NKAIN2: variants seen among roughly 807,000 people sequenced by gnomAD.
The protein encoded by NKAIN2 is sodium/potassium-transporting ATPase subunit beta-1-interacting protein 2.
NKAIN2 carries 14 observed loss-of-function variants against 32.6 expected under a neutral mutation model. The ratio of observed to expected loss-of-function variants is 0.43; its 90% CI spans 0.28 to 0.67. NKAIN2 has a LOEUF of 0.67. Among genes scored for constraint, NKAIN2 ranks in the 30% least tolerant of loss-of-function variants. NKAIN2 has a pLI of 0.17. For synonymous variants in NKAIN2, 80 were observed against 87.2 expected (o/e 0.92, Z 0.46); for missense variants, 198 against 258.3 (o/e 0.77, Z 1.60).
At chr6:124,257,129 C>A (rs1396993674) in intron 1 of NKAIN2, among the ~76,000 whole-genome samples, 1 of 151,728 alleles carries the variant, frequency 6.6e-6, no homozygotes, top group Non-Finnish European at 1.5e-5. Flanking sequence ...TACAAAAAAA[C>A]CATTCCATTG....
intron 1 of NKAIN2, among the ~76,000 whole-genome samples, chr6:124,165,749 G>A (rs1416772220): frequency 2.7e-5 from 4 of 148,842 alleles, no homozygotes; most frequent in Non-Finnish European, 5.9e-5. Flanking sequence ...TCCCACCTAT[G>A]AGTGAGAACA....
chr6:124,678,000 A>G (rs1773443414), intron 4 of NKAIN2, among the ~76,000 whole-genome samples: 1 of 151,668 alleles, frequency 6.6e-6, no homozygotes, highest in Non-Finnish European at 1.5e-5. Flanking sequence ...TTTTGCTGGT[A>G]GTGTTTTTTT....
intron 1 of NKAIN2, among the ~76,000 whole-genome samples, chr6:124,268,147 C>T (rs1794588067): frequency 6.6e-6 from 1 of 152,066 alleles, no homozygotes; most frequent in Non-Finnish European, 1.5e-5. Flanking sequence ...ATCGTGTAAA[C>T]ATACAATTCT....
chr6:124,687,135 A>AATATAT (rs142235428), intron 4 of NKAIN2, among the ~76,000 whole-genome samples: 2,521 of 147,438 alleles, frequency 0.017, 41 homozygotes, highest in Non-Finnish European at 0.026. Flanking sequence ...AGCTCCCTTA[A>AATATAT]ATATATATAT....
intron 1 of NKAIN2, among the ~76,000 whole-genome samples, chr6:123,995,770 G>A (rs1360272612): frequency 6.6e-6 from 1 of 152,132 alleles, no homozygotes; most frequent in Non-Finnish European, 1.5e-5. Flanking sequence ...TTGGCTAGAT[G>A]CTGTAATAGT....
chr6:123,929,095 A>G (rs1268671455), intron 1 of NKAIN2, among the ~76,000 whole-genome samples: 1 of 152,176 alleles, frequency 6.6e-6, no homozygotes, highest in Admixed American at 6.5e-5. Context: ...AAAGGGTAGT[A>G]ACCAGGAAGG....
intron 4 of NKAIN2, among the ~76,000 whole-genome samples, chr6:124,669,409 G>C (rs114619867): frequency 1.3e-3 from 205 of 152,154 alleles, no homozygotes; most frequent in African/African-American, 4.6e-3. Flanking sequence ...GTTCAGTAGG[G>C]TAGCTGCTCT....
chr6:124,258,245 C>A (rs1002188212), intron 1 of NKAIN2, among the ~76,000 whole-genome samples: 1 of 151,814 alleles, frequency 6.6e-6, no homozygotes, highest in South Asian at 2.1e-4. Context: ...CAGCATGGTT[C>A]CAAAGCCTGC....
intron 4 of NKAIN2, among the ~76,000 whole-genome samples, chr6:124,675,219 G>A (rs896711563): frequency 1.3e-5 from 2 of 151,974 alleles, no homozygotes; most frequent in African/African-American, 4.8e-5. Context: ...AATTCTACTT[G>A]ATTATAGCCT....
At chr6:123,995,398 A>T (rs747431276) in intron 1 of NKAIN2, among the ~76,000 whole-genome samples, 27 of 152,218 alleles carry the variant, frequency 1.8e-4, no homozygotes, top group South Asian at 4.1e-4. Flanking sequence ...ACATGCTTTA[A>T]GTAAAAGTAG....
intron 4 of NKAIN2, among the ~76,000 whole-genome samples, chr6:124,760,505 A>C (rs1043653238): frequency 2.0e-5 from 3 of 151,912 alleles, no homozygotes; most frequent in Non-Finnish European, 4.4e-5. Context: ...AAAAGCTTCC[A>C]GGCGCTTCCA....
intron 4 of NKAIN2, among the ~76,000 whole-genome samples, chr6:124,781,210 T>G (rs1221065911): frequency 1.3e-5 from 2 of 152,162 alleles, no homozygotes; most frequent in African/African-American, 4.8e-5. Context: ...ATGAGAAGCA[T>G]AGGATTTAGG....
chr6:124,577,749 C>T (rs1028574504), intron 3 of NKAIN2, among the ~76,000 whole-genome samples: 28 of 152,106 alleles, frequency 1.8e-4, no homozygotes, highest in African/African-American at 6.5e-4. Flanking sequence ...GTACTTGCAC[C>T]ACCCCTCCCA....
At chr6:123,953,031 A>C (rs2114589323) in intron 1 of NKAIN2, among the ~76,000 whole-genome samples, 1 of 152,328 alleles carries the variant, frequency 6.6e-6, no homozygotes, top group Middle Eastern at 3.4e-3. Flanking sequence ...ACTTTTGTAG[A>C]AGATGACATT....
intron 3 of NKAIN2, among the ~76,000 whole-genome samples, chr6:124,473,929 TAAAAG>T (rs1772231885): frequency 6.6e-6 from 1 of 152,118 alleles, no homozygotes; most frequent in Admixed American, 6.6e-5. Context: ...TATGCAAAAA[TAAAAG>T]AATATTATTC....
intron 5 of NKAIN2, among the ~76,000 whole-genome samples, chr6:124,792,631 AGAG>A: frequency 6.6e-6 from 1 of 152,254 alleles, no homozygotes; most frequent in African/African-American, 2.4e-5. Flanking sequence ...CTGTGGGTAA[AGAG>A]AAGAAAGAGA....
chr6:124,761,204 G>C (rs999122430), intron 4 of NKAIN2, among the ~76,000 whole-genome samples: 5 of 152,122 alleles, frequency 3.3e-5, no homozygotes, highest in African/African-American at 1.2e-4. Flanking sequence ...ATTAATTATA[G>C]TATGTGCTAT....
chr6:123,854,392 A>C (rs146131908), intron 1 of NKAIN2, among the ~76,000 whole-genome samples: 1 of 152,248 alleles, frequency 6.6e-6, no homozygotes, highest in East Asian at 1.9e-4. Context: ...CTGCATGCCA[A>C]GTTGTCTGGC....
intron 3 of NKAIN2, among the ~76,000 whole-genome samples, chr6:124,641,863 A>C (rs528385043): frequency 6.6e-6 from 1 of 152,114 alleles, no homozygotes; most frequent in African/African-American, 2.4e-5. Flanking sequence ...CCAAAAGATT[A>C]GCTTTTAGAA....
Sources: allele counts gnomAD v4.1 joint callset (sites outside exome capture counted in the v4.1 genomes callset), GRCh38; gene constraint gnomAD v4.1.1; transcripts MANE v1.5; gene names NCBI Gene and HGNC (gene_info 2026-07-23, HGNC 2026-07-21).